CLCA1: variants seen among roughly 807,000 people sequenced by gnomAD.
CLCA1 encodes chloride channel accessory 1.
In CLCA1, 59 loss-of-function variants were observed where a neutral mutation model predicts 85.6. That is an observed-to-expected ratio of 0.69 (90% confidence interval 0.56 to 0.86). CLCA1 has a LOEUF of 0.86. Among genes scored for constraint, CLCA1 ranks in the 40% least tolerant of loss-of-function variants. The probability of loss-of-function intolerance (pLI) is 0.00; values close to 1 mark genes in which losing one functional copy is unlikely to be tolerated. For missense variants in CLCA1, 1,022 were observed against 1,101.4 expected (o/e 0.93, Z 1.02); for synonymous variants, 396 against 398.3 (o/e 0.99, Z 0.07).
At position 86,494,274 on chromosome 1, in the gene CLCA1, C is replaced by T; in HGVS notation, c.1768C>T (p.Pro590Ser). The T allele has an allele frequency of 6.2e-7, 1 of 1,614,186 alleles. No homozygotes were observed. Among genetic ancestry groups the T allele is most frequent in the Non-Finnish European group, 8.5e-7 (1 of 1,180,030 alleles). Reference sequence around the variant, plus strand: ...CCGTGCGTCCAATGCTACCCTGCCTCCAATTACAGTGACTTCCAAAACGAA... The same window carrying T: ...CCGTGCGTCCAATGCTACCCTGCCTTCAATTACAGTGACTTCCAAAACGAA... ...TSRASNATLPPITVTSKTNKD... is the reference protein window; with the variant it reads ...TSRASNATLPSITVTSKTNKD... Residue 590 changes from proline to serine, a missense_variant, in exon 11 of 14, where the codon CCA (proline) becomes TCA (serine). Coordinates refer to ENST00000394711, the MANE Select transcript of CLCA1 (RefSeq NM_001285.4).
At chr1:86,494,520 T>C in intron 11 of CLCA1, 72 bp downstream of exon 11, 2 of 1,556,188 alleles carry the variant, frequency 1.3e-6, no homozygotes. Flanking sequence ...CAAGAGGGCA[T>C]GGTCTGGTGA....
chr1:86,498,200 A>AAGGAAGGAAGGAAGGAAGGAAGGG (rs1553188780), intron 12 of CLCA1, among the ~76,000 whole-genome samples: 3 of 150,776 alleles, frequency 2.0e-5, no homozygotes, highest in African/African-American at 7.4e-5. Flanking sequence ...GGAAGGAAGG[A>AAGGAAGGAAGGAAGGAAGGAAGGG]AGGAAGGAAA....
chr1:86,475,492 T>C (rs1287182043), intron 3 of CLCA1, among the ~76,000 whole-genome samples: 1 of 152,200 alleles, frequency 6.6e-6, no homozygotes, highest in African/African-American at 2.4e-5. Context: ...TCTGTCCTCA[T>C]GGAGACAATT....
intron 7 of CLCA1, 103 bp from the exon 8 acceptor site, chr1:86,488,893 T>C: frequency 1.1e-6 from 1 of 934,498 alleles, no homozygotes; most frequent in Non-Finnish European, 1.6e-6. Flanking sequence ...CAATTTTGGT[T>C]ATTCCCTCTA....
At chr1:86,474,423 G>A (rs998402252) in intron 3 of CLCA1, among the ~76,000 whole-genome samples, 22 of 152,164 alleles carry the variant, frequency 1.4e-4, no homozygotes, top group Non-Finnish European at 2.2e-4. Context: ...GCGTGGTGGC[G>A]GACGCCTGTA....
At chr1:86,487,584 T>A (rs1648017192) in intron 7 of CLCA1, among the ~76,000 whole-genome samples, 1 of 152,134 alleles carries the variant, frequency 6.6e-6, no homozygotes, top group Admixed American at 6.5e-5. Flanking sequence ...CAGGCCCTGG[T>A]CAGGTCTGCC....
At chr1:86,482,457 G>A (rs1647845643) in intron 5 of CLCA1, 75 bp downstream of exon 5, 1 of 1,381,378 alleles carries the variant, frequency 7.2e-7, no homozygotes, top group Admixed American at 2.0e-5. Flanking sequence ...GTGCTCCAAG[G>A]GAGAATCAAA....
intron 1 of CLCA1, 115 bp from the exon 2 acceptor site, chr1:86,473,302 C>A: frequency 1.5e-6 from 1 of 677,056 alleles, no homozygotes. Flanking sequence ...TTTCTTCTTC[C>A]CATCTTAACA....
At chr1:86,489,928 A>G (rs1648090610) in intron 8 of CLCA1, among the ~76,000 whole-genome samples, 1 of 152,294 alleles carries the variant, frequency 6.6e-6, no homozygotes, top group African/African-American at 2.4e-5. Context: ...AGAGCCTGAG[A>G]CAGGGATTTG....
chr1:86,489,194 C>G (rs201510835), intron 8 of CLCA1, 24 bp downstream of exon 8: 1 of 1,605,774 alleles, frequency 6.2e-7, no homozygotes, highest in Non-Finnish European at 8.5e-7. Context: ...TGCTGAGACC[C>G]CCGGTATTGT....
chr1:86,486,493 C>A, intron 6 of CLCA1, 33 bp from the exon 7 acceptor site: 1 of 1,593,922 alleles, frequency 6.3e-7, no homozygotes, highest in East Asian at 2.2e-5. Context: ...TCCATCTAAA[C>A]GTAACCTGTT....
chr1:86,496,057 C>A (rs1435649992), intron 12 of CLCA1, among the ~76,000 whole-genome samples: 1 of 152,114 alleles, frequency 6.6e-6, no homozygotes, highest in Non-Finnish European at 1.5e-5. Flanking sequence ...TTTGTGTAAT[C>A]TTTTTGTACT....
At chr1:86,480,038 CT>C (rs1647776058) in intron 4 of CLCA1, among the ~76,000 whole-genome samples, 1 of 152,132 alleles carries the variant, frequency 6.6e-6, no homozygotes, top group Non-Finnish European at 1.5e-5. Flanking sequence ...TTAACAGACT[CT>C]TTTCCAATTG....
chr1:86,477,331 A>T (rs1239990889), intron 4 of CLCA1, among the ~76,000 whole-genome samples: 2 of 152,222 alleles, frequency 1.3e-5, no homozygotes, highest in Admixed American at 6.5e-5. Context: ...TGTGAAACTT[A>T]TCTGAAAAAC....
In CLCA1 at chr1:86,495,622, G is replaced by A. The variant is rs1158076952; in HGVS notation, c.2060G>A (p.Arg687Lys). The A allele has an allele frequency of 6.2e-7, 1 of 1,614,028 alleles. No homozygotes were observed. Among genetic ancestry groups the A allele is most frequent in the Non-Finnish European group, 8.5e-7 (1 of 1,180,016 alleles). Residue 687 changes from arginine to lysine, a missense_variant, in exon 12 of 14, where the codon AGA (arginine) becomes AAA (lysine). Arg to Lys is a conservative substitution (Grantham distance 26). Transcript: ENST00000394711. ...GGAGGAGTTAACGCAGCCAGACGGA[G>A]AGTGATACCCCAGCAGAGTGGAGCA... ...ALGGVNAARRRVIPQQSGALY... is the reference protein window; with the variant it reads ...ALGGVNAARRKVIPQQSGALY...
intron 9 of CLCA1, among the ~76,000 whole-genome samples, chr1:86,491,889 T>C (rs1648142588): frequency 6.6e-6 from 1 of 151,172 alleles, no homozygotes; most frequent in South Asian, 2.2e-4. Context: ...ATTAACTATG[T>C]GACCTAGGCA....
chr1:86,494,255 G>C lies in CLCA1; in HGVS notation c.1749G>C (p.Ala583=). ...TGACCCTGACTGTCACGTCCCGTGC[G>C]TCCAATGCTACCCTGCCTCCAATTA... ...QTLTLTVTSR[A]SNATLPPITV... The change falls in exon 11 of 14, where the codon GCG becomes GCC. Residue 583 remains alanine, a synonymous_variant. Coordinates refer to ENST00000394711, the MANE Select transcript of CLCA1 (RefSeq NM_001285.4). 6.2e-7 allele frequency: 1 copy of C among 1,614,196 alleles called. No individual in the cohort carries two copies. Among genetic ancestry groups the C allele is most frequent in the Non-Finnish European group, 8.5e-7 (1 of 1,180,028 alleles).
At chr1:86,489,212 A>G (rs373524560) in intron 8 of CLCA1, 42 bp downstream of exon 8, 7 of 1,576,584 alleles carry the variant, frequency 4.4e-6, no homozygotes, top group African/African-American at 1.4e-5. Context: ...TGTCTCTCCT[A>G]CTGGACTGTG....
At chr1:86,495,371 C>G in intron 11 of CLCA1, 134 bp from the exon 12 acceptor site, 1 of 681,142 alleles carries the variant, frequency 1.5e-6, no homozygotes, top group Admixed American at 2.9e-5. Flanking sequence ...CCTCAACACA[C>G]CAAAATCTTA....
Sources: gnomAD v4.1 joint callset for allele counts (sites outside exome capture counted in the v4.1 genomes callset) on GRCh38, gnomAD v4.1.1 for gene constraint, MANE v1.5 for transcripts, NCBI Gene and HGNC (gene_info 2026-07-23, HGNC 2026-07-21) for gene names.